Variants in CFAP99 observed in about 807,000 individuals in gnomAD.
CFAP99 encodes the protein cilia- and flagella-associated protein 99.
A neutral mutation model predicts 82.7 loss-of-function variants in CFAP99; 84 were observed. The observed-to-expected ratio is 1.02, with a 90% CI of 0.85 to 1.22. The LOEUF (loss-of-function observed/expected upper bound fraction) is 1.22. Ranked by LOEUF, CFAP99 falls within the 50% of genes most tolerant of loss-of-function variation. The probability of loss-of-function intolerance (pLI) is 0.00; values close to 1 mark genes in which losing one functional copy is unlikely to be tolerated. For missense variants in CFAP99, 1,059 were observed against 983.5 expected (o/e 1.08, Z -1.03); for synonymous variants, 456 against 429.5 (o/e 1.06, Z -0.76).
chr4:2,435,385 A>C (rs545746591), intron 2 of CFAP99, among the ~76,000 whole-genome samples: 1 of 152,204 alleles, frequency 6.6e-6, no homozygotes, highest in East Asian at 1.9e-4. Context: ...TACATGCTCT[A>C]TATGCCCAAA....
intron 2 of CFAP99, among the ~76,000 whole-genome samples, chr4:2,435,344 C>T (rs1352104627): frequency 2.1e-5 from 3 of 145,410 alleles, no homozygotes; most frequent in Non-Finnish European, 4.5e-5. Flanking sequence ...AAGGAAAAGA[C>T]AGATTTGATC....
chr4:2,458,677 A>G (rs1157911765), intron 11 of CFAP99, 46 bp from the exon 12 acceptor site: 1 of 1,506,332 alleles, frequency 6.6e-7, no homozygotes, highest in Non-Finnish European at 8.8e-7. Context: ...CAGGCAGGGA[A>G]GCCGGAGCAG....
intron 7 of CFAP99, 63 bp from the exon 8 acceptor site, chr4:2,449,871 C>T: frequency 6.5e-7 from 1 of 1,533,672 alleles, no homozygotes; most frequent in Non-Finnish European, 8.7e-7. Flanking sequence ...GTTCGTCCTC[C>T]CATGGCCTGG....
chr4:2,426,697 G>A, intron 2 of CFAP99, 111 bp downstream of exon 2: 1 of 715,128 alleles, frequency 1.4e-6, no homozygotes, highest in Non-Finnish European at 2.4e-6. Flanking sequence ...TTCCACATGG[G>A]GAGAAGCTGA....
Position 2,462,660 on chromosome 4 carries a change from G to T in CFAP99, c.1879G>T (p.Gly627Ter), listed in dbSNP as rs1005109163. ...GCGACTGAAAGCCGGGGCCGGGTGG[G>T]GATGGCGGGCGCGGCGCGCAGGGAC... is the stretch of plus-strand genomic sequence containing the variant. The change falls in exon 15 of 15, where the codon GGA becomes TGA. Residue 627 changes from glycine to a stop codon, truncating the protein, a stop_gained. Transcript: ENST00000635017. LOFTEE classifies it low-confidence loss of function (END_TRUNC). The surrounding 1 kb of genome is among the most constrained non-coding windows in gnomAD (Gnocchi z 4.1). 62 of 1,273,334 alleles carry T rather than the reference G, an allele frequency of 4.9e-5. No individual in the cohort carries two copies. The highest frequency in any genetic ancestry group is 1.1e-5 in the Non-Finnish European group (11 of 1,012,456). The allele number at this position is 1,273,334 out of a possible 1,614,324, so 78.9% of individuals were successfully genotyped here.
chr4:2,439,870 G>A (rs1174711438), intron 4 of CFAP99, among the ~76,000 whole-genome samples: 1 of 151,756 alleles, frequency 6.6e-6, no homozygotes, highest in Non-Finnish European at 1.5e-5. Flanking sequence ...TTAAGACGGG[G>A]TCTCGCTCTG....
intron 1 of CFAP99, among the ~76,000 whole-genome samples, chr4:2,424,876 C>A (rs1023565847): frequency 2.0e-5 from 3 of 152,192 alleles, no homozygotes; most frequent in African/African-American, 7.2e-5. Context: ...TGCCAGTGGG[C>A]CTTGTCCGTC....
Position 2,436,855 on chromosome 4 carries a change from C to T in CFAP99, c.112-19C>T. 2 of 1,535,440 alleles carry T rather than the reference C, an allele frequency of 1.3e-6. No individual in the cohort carries two copies. The highest frequency in any genetic ancestry group is 1.7e-6 in the Non-Finnish European group (2 of 1,146,572). On this transcript the variant is annotated intron_variant, in intron 2 of 14. Transcript: ENST00000635017. ...CTCCCGGCCCAGCCAGGGCCCCCCACCGGCTGTCTCTCTTCCAGGCTCTGA... is the reference window on the plus strand; with the variant it reads ...CTCCCGGCCCAGCCAGGGCCCCCCATCGGCTGTCTCTCTTCCAGGCTCTGA...
rs1286387458 is a variant in CFAP99, at chr4:2,436,910, G to T, written c.148G>T (p.Val50Phe). 2.6e-6 allele frequency: 4 copies of T among 1,535,948 alleles called. No homozygotes were observed. The highest frequency in any genetic ancestry group is 2.6e-6 in the Non-Finnish European group (3 of 1,146,874). The change falls in exon 3 of 15, where the codon GTT becomes TTT. Residue 50 changes from valine to phenylalanine, a missense_variant. Transcript: ENST00000635017. Reference sequence around the variant, plus strand: ...CCAGAAGCAGAGCTTTGTTTTGGAGGTTCTGTCTGGGTGCCTCGAGTACCG... The same window carrying T: ...CCAGAAGCAGAGCTTTGTTTTGGAGTTTCTGTCTGGGTGCCTCGAGTACCG...
Position 2,448,296 on chromosome 4 carries a change from C to T in CFAP99, c.643-1374C>T, listed in dbSNP as rs991666124. 1.3e-5 allele frequency among the ~76,000 whole-genome samples: 2 copies of T among 152,190 alleles called. No homozygotes were observed. Among genetic ancestry groups the T allele is most frequent in the African/African-American group, 2.4e-5 (1 of 41,434 alleles). On this transcript the variant is annotated intron_variant, in intron 6 of 14. Coordinates refer to ENST00000635017, the Ensembl canonical transcript of CFAP99. The surrounding 1 kb of genome is among the most constrained non-coding windows in gnomAD (Gnocchi z 5.2). ...TCTCTCTGTCTCTGCCAAGCACAGC[C>T]CCTGCCTGGGCCCTCACCATGTCCT...
At chr4:2,450,948 G>T (rs778252012) in exon 9 of CFAP99, 9 of 1,535,834 alleles carry the variant, frequency 5.9e-6, no homozygotes, top group Non-Finnish European at 7.8e-6. Flanking sequence ...CTCCTGCAGG[G>T]CTCCAAGCAG....
intron 6 of CFAP99, among the ~76,000 whole-genome samples, chr4:2,447,967 GGATGGA>G (rs1734209963): frequency 2.0e-5 from 3 of 150,922 alleles, no homozygotes; most frequent in Non-Finnish European, 3.0e-5. Context: ...ATGGATGGAT[GGATGGA>G]TGGATGGCTT....
intron 4 of CFAP99, 73 bp downstream of exon 4, chr4:2,438,237 C>T (rs1222589658): frequency 3.9e-5 from 34 of 869,362 alleles, no homozygotes; most frequent in Non-Finnish European, 5.5e-5. Flanking sequence ...GCCCACCTTT[C>T]GTCATTCTGG....
chr4:2,456,419 G>A (rs1200915905), intron 11 of CFAP99, among the ~76,000 whole-genome samples: 1 of 152,102 alleles, frequency 6.6e-6, no homozygotes, highest in East Asian at 1.9e-4. Context: ...GCTCACACCT[G>A]TAGTCACGGC....
At chr4:2,423,093 C>G (rs2108706915) in intron 1 of CFAP99, among the ~76,000 whole-genome samples, 1 of 152,328 alleles carries the variant, frequency 6.6e-6, no homozygotes, top group Non-Finnish European at 1.5e-5. Context: ...TCACTGCCTA[C>G]AGGGAGCCCC....
At chr4:2,432,520 G>C (rs1733819332) in intron 2 of CFAP99, among the ~76,000 whole-genome samples, 2 of 152,134 alleles carry the variant, frequency 1.3e-5, no homozygotes, top group South Asian at 4.1e-4. Context: ...GCAGGTATTG[G>C]TGACATGAAT....
chr4:2,454,581 C>CTTTTTTTTTTTTTTTTTTTTTTTTT (rs200727697), intron 11 of CFAP99, among the ~76,000 whole-genome samples: 7 of 94,722 alleles, frequency 7.4e-5, no homozygotes, highest in East Asian at 2.7e-4. Flanking sequence ...TGTTTTTTTT[C>CTTTTTTTTTTTTTTTTTTTTTTTTT]TTTTTTTTTT....
intron 5 of CFAP99, 120 bp downstream of exon 5, chr4:2,443,362 G>A (rs944927907): frequency 3.0e-6 from 2 of 671,000 alleles, no homozygotes; most frequent in Admixed American, 2.2e-5. Flanking sequence ...ATGAGTGTCA[G>A]TAATCACTCC....
chr4:2,432,877 C>T (rs1733825471), intron 2 of CFAP99, among the ~76,000 whole-genome samples: 1 of 152,258 alleles, frequency 6.6e-6, no homozygotes, highest in South Asian at 2.1e-4. Context: ...CCTCTCCTGC[C>T]TCCTCTGGGA....
Sources: allele counts gnomAD v4.1 joint callset (sites outside exome capture counted in the v4.1 genomes callset), GRCh38; gene constraint gnomAD v4.1.1; non-coding constraint Gnocchi (gnomAD v3.1); transcripts MANE v1.5; gene names NCBI Gene and HGNC (gene_info 2026-07-23, HGNC 2026-07-21).